NLN: variants seen among roughly 807,000 people sequenced by gnomAD.
NLN encodes the protein neurolysin.
A neutral mutation model predicts 79.9 loss-of-function variants in NLN; 64 were observed. The observed-to-expected ratio is 0.80, with a 90% confidence interval of 0.65 to 0.99. NLN has a LOEUF of 0.99. Ranked by LOEUF, NLN falls within the 50% of genes least tolerant of loss-of-function variation. The pLI is 0.00. For missense variants in NLN, 835 were observed against 858.7 expected (o/e 0.97, Z 0.34); for synonymous variants, 267 against 296.6 (o/e 0.90, Z 1.02).
At chr5:65,745,904 G>A (rs891354921) in intron 1 of NLN, among the ~76,000 whole-genome samples, 1 of 152,188 alleles carries the variant, frequency 6.6e-6, no homozygotes, top group African/African-American at 2.4e-5. Flanking sequence ...ACATACTGGT[G>A]ATCGTCCTTG....
chr5:65,749,821 ATTTT>A (rs964963594), intron 1 of NLN, among the ~76,000 whole-genome samples: 3 of 152,192 alleles, frequency 2.0e-5, no homozygotes, highest in Non-Finnish European at 4.4e-5. Context: ...TGGAAAAACC[ATTTT>A]TATATTCTAA....
intron 1 of NLN, among the ~76,000 whole-genome samples, chr5:65,725,372 T>C (rs1041949815): frequency 3.3e-5 from 5 of 152,262 alleles, no homozygotes; most frequent in African/African-American, 1.2e-4. Flanking sequence ...AATTTGAAAC[T>C]ATATCAATGT....
chr5:65,773,662 G>T (rs1759618618), intron 3 of NLN, among the ~76,000 whole-genome samples: 2 of 152,100 alleles, frequency 1.3e-5, no homozygotes, highest in Admixed American at 6.5e-5. Flanking sequence ...TCAATATTTG[G>T]CCAGGCACAG....
At chr5:65,797,845 C>CCA (rs561091437) in intron 9 of NLN, among the ~76,000 whole-genome samples, 214 of 152,310 alleles carry the variant, frequency 1.4e-3, no homozygotes, top group African/African-American at 5.1e-3. Flanking sequence ...CAAATGCTTA[C>CCA]CTTCAGTGGG....
chr5:65,787,942 A>G lies in NLN; in HGVS notation c.959-176A>G, dbSNP rs572895446. Among the ~76,000 whole-genome samples the G allele has an allele frequency of 7.9e-5, 12 of 152,312 alleles. No homozygotes were observed. The East Asian group carries it at 1.5e-3, about 20-fold the overall frequency. ...ACCCCGAAGAGCAAAGTGTGCTTCC[A>G]TAATACAGCCTGCTTTCCTCCCTCA... On this transcript the variant is annotated intron_variant, in intron 7 of 12. Coordinates refer to ENST00000380985, the MANE Select transcript of NLN (RefSeq NM_020726.5).
intron 1 of NLN, among the ~76,000 whole-genome samples, chr5:65,747,705 C>T (rs1234251040): frequency 3.9e-5 from 6 of 152,154 alleles, no homozygotes; most frequent in Admixed American, 3.3e-4. Context: ...ATGTACAAAC[C>T]AATGGTGCAG....
chr5:65,733,381 T>G, intron 1 of NLN: 3 of 1,511,022 alleles, frequency 2.0e-6, no homozygotes, highest in South Asian at 1.1e-5. Flanking sequence ...ACCTTCTACT[T>G]TCATGGAAAC....
intron 2 of NLN, 104 bp downstream of exon 2, chr5:65,758,930 T>C (rs1759281997): frequency 9.7e-7 from 1 of 1,032,528 alleles, no homozygotes; most frequent in African/African-American, 1.6e-5. Flanking sequence ...CATTGATTTT[T>C]ACATTATAAT....
chr5:65,746,268 A>G (rs1579918461), intron 1 of NLN, among the ~76,000 whole-genome samples: 2 of 152,372 alleles, frequency 1.3e-5, no homozygotes, highest in South Asian at 2.1e-4. Context: ...TCATGAGGGA[A>G]CAGCCAGAGA....
intron 6 of NLN, among the ~76,000 whole-genome samples, chr5:65,783,134 C>T (rs552792951): frequency 6.6e-6 from 1 of 152,120 alleles, no homozygotes; most frequent in African/African-American, 2.4e-5. Flanking sequence ...TAGAGGTTAC[C>T]AGGGAATGGG....
intron 1 of NLN, among the ~76,000 whole-genome samples, chr5:65,728,772 TGTC>T (rs1196574304): frequency 6.6e-6 from 1 of 152,228 alleles, no homozygotes; most frequent in Non-Finnish European, 1.5e-5. Flanking sequence ...AGTTATTTGT[TGTC>T]TGATGTGAAA....
At chr5:65,759,922 T>C (rs1759304869) in intron 2 of NLN, among the ~76,000 whole-genome samples, 1 of 152,178 alleles carries the variant, frequency 6.6e-6, no homozygotes, top group Non-Finnish European at 1.5e-5. Flanking sequence ...ATTAGACCCT[T>C]CAAGTTATAA....
chr5:65,782,901 G>T (rs981271920), intron 6 of NLN, among the ~76,000 whole-genome samples: 3 of 152,180 alleles, frequency 2.0e-5, no homozygotes, highest in African/African-American at 7.2e-5. Context: ...GCAAGCAACA[G>T]TTTTCACAAA....
chr5:65,736,829 G>A (rs758537558), intron 1 of NLN, among the ~76,000 whole-genome samples: 9 of 152,072 alleles, frequency 5.9e-5, no homozygotes, highest in Admixed American at 1.3e-4. Flanking sequence ...GACTAGTCAT[G>A]GTGGCTCACG....
intron 1 of NLN, among the ~76,000 whole-genome samples, chr5:65,745,083 T>C (rs951154302): frequency 1.3e-5 from 2 of 152,126 alleles, no homozygotes; most frequent in Non-Finnish European, 2.9e-5. Context: ...AGGTCTTCCA[T>C]GTTTGAGTGG....
At chr5:65,791,598 A>G (rs1760060263) in intron 8 of NLN, among the ~76,000 whole-genome samples, 1 of 151,772 alleles carries the variant, frequency 6.6e-6, no homozygotes, top group South Asian at 2.1e-4. Context: ...TGTTGTATAT[A>G]TGTAATACCA....
intron 1 of NLN, among the ~76,000 whole-genome samples, chr5:65,737,464 A>G (rs1316518739): frequency 1.3e-5 from 2 of 152,170 alleles, no homozygotes; most frequent in Non-Finnish European, 2.9e-5. Context: ...TGAAATCAGC[A>G]GCCTATTTTT....
At chr5:65,810,342 G>A (rs575821239) in intron 11 of NLN, among the ~76,000 whole-genome samples, 177 bp downstream of exon 11, 1 of 152,136 alleles carries the variant, frequency 6.6e-6, no homozygotes, top group Non-Finnish European at 1.5e-5. Flanking sequence ...GTCCAAATGC[G>A]CTTGAAGGAA....
intron 12 of NLN, among the ~76,000 whole-genome samples, chr5:65,812,926 G>T (rs1760585699): frequency 6.6e-6 from 1 of 152,212 alleles, no homozygotes; most frequent in Admixed American, 6.5e-5. Flanking sequence ...TGAATTGACT[G>T]CCAGGTAGCT....
Sources: allele counts gnomAD v4.1 joint callset (sites outside exome capture counted in the v4.1 genomes callset), GRCh38; gene constraint gnomAD v4.1.1; transcripts MANE v1.5; gene names NCBI Gene and HGNC (gene_info 2026-07-23, HGNC 2026-07-21).